Variants in CDIN1 observed in about 807,000 individuals in gnomAD.
CDIN1 encodes the protein CDAN1 interacting nuclease 1, also known as CDAN1-interacting nuclease 1.
CDIN1 carries 33 observed loss-of-function variants against 45.3 expected under a neutral mutation model. The observed-to-expected ratio is 0.73, with a 90% CI of 0.55 to 0.97. The LOEUF (loss-of-function observed/expected upper bound fraction) is 0.97, where lower values mean the gene tolerates loss of function less well. Ranked by LOEUF, CDIN1 falls within the 50% of genes least tolerant of loss-of-function variation. The probability of loss-of-function intolerance (pLI) is 0.00; values close to 1 mark genes in which losing one functional copy is unlikely to be tolerated. For missense variants in CDIN1, 303 were observed against 339.4 expected (o/e 0.89, Z 0.84); for synonymous variants, 118 against 124.4 (o/e 0.95, Z 0.34).
chr15:36,635,467 C>G (rs560199672), intron 1 of CDIN1, among the ~76,000 whole-genome samples: 2 of 152,218 alleles, frequency 1.3e-5, no homozygotes, highest in Admixed American at 6.5e-5. Context: ...TTTTTGTATA[C>G]ATGAGTCCTG....
intron 10 of CDIN1, among the ~76,000 whole-genome samples, chr15:36,785,203 TC>T (rs1288943781): frequency 6.6e-6 from 1 of 152,142 alleles, no homozygotes; most frequent in East Asian, 1.9e-4. Flanking sequence ...TATCTATAAG[TC>T]AATCACAAAA....
chr15:36,688,975 G>A (rs1396350514), intron 5 of CDIN1, among the ~76,000 whole-genome samples: 2 of 152,146 alleles, frequency 1.3e-5, no homozygotes, highest in African/African-American at 2.4e-5. Context: ...AAAAGTGGTG[G>A]GTTGCAAGAA....
chr15:36,806,565 G>A (rs2055233073), intron 10 of CDIN1, among the ~76,000 whole-genome samples: 3 of 152,066 alleles, frequency 2.0e-5, no homozygotes, highest in Admixed American at 1.3e-4. Flanking sequence ...AGAATGTGTT[G>A]AGCTTAATGT....
rs111628446 is a variant in CDIN1, at chr15:36,702,085, T to C, written c.544+4695T>C. ...GACTGTGTGTACACGCAGATGTCAG[T>C]GGCAGAGAGTAAGAGACCAGAAATG... On this transcript the variant is annotated intron_variant, in intron 8 of 10. Transcript: ENST00000566621. 507 of 702,230 alleles carry C rather than the reference T, an allele frequency of 7.2e-4. 1 individual carries two copies. In the African/African-American group the frequency reaches 7.3e-3, roughly 10 times the overall value. 43.5% of individuals were successfully genotyped at this position (702,230 alleles called of 1,614,324 possible).
At chr15:36,744,903 G>A (rs922303139) in intron 10 of CDIN1, among the ~76,000 whole-genome samples, 4 of 152,174 alleles carry the variant, frequency 2.6e-5, no homozygotes, top group African/African-American at 9.7e-5. Context: ...ATACTGCCAT[G>A]TCTAGCTTTC....
intron 10 of CDIN1, among the ~76,000 whole-genome samples, chr15:36,746,205 A>G (rs1412874311): frequency 6.6e-6 from 1 of 152,104 alleles, no homozygotes; most frequent in African/African-American, 2.4e-5. Context: ...TAGAAGACCA[A>G]TTAGAGGTGT....
Position 36,630,300 on chromosome 15 carries a change from G to A in CDIN1, c.102-13978G>A, listed in dbSNP as rs190549105. 3.4e-3 allele frequency among the ~76,000 whole-genome samples: 525 copies of A among 152,216 alleles called. 1 individual carries two copies. The highest frequency in any genetic ancestry group is 0.012 in the African/African-American group (493 of 41,540). ...GGGTTATTATTATTAGGACCAAGGCGCAGTTTTTTGATAAAACTCTACTTA... is the reference window on the plus strand; with the variant it reads ...GGGTTATTATTATTAGGACCAAGGCACAGTTTTTTGATAAAACTCTACTTA... On this transcript the variant is annotated intron_variant, in intron 1 of 10. Transcript: ENST00000566621.
chr15:36,775,205 T>C (rs2054188116), intron 10 of CDIN1, among the ~76,000 whole-genome samples: 1 of 152,170 alleles, frequency 6.6e-6, no homozygotes, highest in Admixed American at 6.5e-5. Context: ...ATTTGTCTAG[T>C]CCAAAGAAAC....
At chr15:36,755,620 T>C (rs1032828702) in intron 10 of CDIN1, among the ~76,000 whole-genome samples, 1 of 151,950 alleles carries the variant, frequency 6.6e-6, no homozygotes, top group Non-Finnish European at 1.5e-5. Flanking sequence ...TAGACAAGAC[T>C]GTGCTAAAAT....
At chr15:36,691,621 C>T in intron 5 of CDIN1, 64 bp from the exon 6 acceptor site, 2 of 1,020,072 alleles carry the variant, frequency 2.0e-6, no homozygotes, top group South Asian at 1.4e-5. Context: ...ATATATGTCA[C>T]TCCTCATGTT....
At chr15:36,680,277 T>A (rs1331795096) in intron 5 of CDIN1, among the ~76,000 whole-genome samples, 1 of 152,220 alleles carries the variant, frequency 6.6e-6, no homozygotes, top group South Asian at 2.1e-4. Flanking sequence ...TTCTTTCTGT[T>A]GTTTGGGAGT....
At chr15:36,714,512 G>A (rs894192128) in intron 10 of CDIN1, among the ~76,000 whole-genome samples, 9 of 152,148 alleles carry the variant, frequency 5.9e-5, no homozygotes, top group African/African-American at 9.7e-5. Context: ...TACATATTAA[G>A]TTAACAGACC....
At position 36,691,323 on chromosome 15, in the gene CDIN1, A is replaced by G. The variant is rs1046313521; in HGVS notation, c.347-362A>G. ...TGTCTTCATTAAACTCTTCATATAC[A>G]TATGCTTGGTTATAAAATAACTACC... is the stretch of plus-strand genomic sequence containing the variant. On this transcript the variant is annotated intron_variant, in intron 5 of 10. Transcript: ENST00000566621. 9 of 297,386 alleles carry G rather than the reference A, an allele frequency of 3.0e-5. No homozygotes were observed. In the Middle Eastern group the frequency reaches 3.3e-3, roughly 110 times the overall value. 18.4% of individuals were successfully genotyped at this position (297,386 alleles called of 1,614,324 possible).
intron 1 of CDIN1, among the ~76,000 whole-genome samples, chr15:36,582,345 G>C (rs941718753): frequency 6.6e-6 from 1 of 152,216 alleles, no homozygotes; most frequent in African/African-American, 2.4e-5. Context: ...ATTTACTCTA[G>C]TCATACAGAA....
chr15:36,594,460 C>A (rs1170549944), intron 1 of CDIN1, among the ~76,000 whole-genome samples: 1 of 146,546 alleles, frequency 6.8e-6, no homozygotes, highest in Non-Finnish European at 1.5e-5. Context: ...TGTAAGGAGT[C>A]TAGATTTGGT....
In CDIN1 at chr15:36,664,027, G is replaced by A. The variant is rs193031920; in HGVS notation, c.346+6122G>A. 2.4e-3 allele frequency among the ~76,000 whole-genome samples: 361 copies of A among 152,270 alleles called. 2 individuals are homozygous for A. Among genetic ancestry groups the A allele is most frequent in the Non-Finnish European group, 3.7e-3 (249 of 68,014 alleles). ...GTCTGAACTACGGTTTACAATGAAA[G>A]TAATAAAGGAAATAAAGTCTGTAGA... On this transcript the variant is annotated intron_variant, in intron 5 of 10. Coordinates refer to ENST00000566621, the MANE Select transcript of CDIN1 (RefSeq NM_001321759.2).
At chr15:36,718,251 T>G (rs1026156770) in intron 10 of CDIN1, among the ~76,000 whole-genome samples, 1 of 152,162 alleles carries the variant, frequency 6.6e-6, no homozygotes, top group African/African-American at 2.4e-5. Context: ...AATTCAACAC[T>G]GTTTTGATTA....
At chr15:36,630,311 A>G (rs1415375664) in intron 1 of CDIN1, among the ~76,000 whole-genome samples, 1 of 152,192 alleles carries the variant, frequency 6.6e-6, no homozygotes, top group Non-Finnish European at 1.5e-5. Context: ...CAGTTTTTTG[A>G]TAAAACTCTA....
intron 10 of CDIN1, among the ~76,000 whole-genome samples, chr15:36,754,632 A>G (rs563685332): frequency 6.6e-6 from 1 of 151,516 alleles, no homozygotes; most frequent in African/African-American, 2.4e-5. Context: ...AAATATATTT[A>G]TCCCCCTTAC....
Sources: allele counts gnomAD v4.1 joint callset (sites outside exome capture counted in the v4.1 genomes callset), GRCh38; gene constraint gnomAD v4.1.1; transcripts MANE v1.5; gene names NCBI Gene and HGNC (gene_info 2026-07-23, HGNC 2026-07-21).